MAP3K4: variants seen among roughly 807,000 people sequenced by gnomAD.
The protein encoded by MAP3K4 is mitogen-activated protein kinase kinase kinase 4.
A neutral mutation model predicts 185.6 loss-of-function variants in MAP3K4; 67 were observed. That is an observed-to-expected ratio of 0.36 (90% CI 0.30 to 0.44). MAP3K4 has a LOEUF of 0.44. Among genes scored for constraint, MAP3K4 ranks in the 20% least tolerant of loss-of-function variants. The pLI is 1.00. For synonymous variants in MAP3K4, 702 were observed against 710.4 expected, an observed-to-expected ratio of 0.99 and a Z score of 0.19; for missense variants, 1,551 against 1,995.1, an observed-to-expected ratio of 0.78 and a Z score of 4.24.
At position 161,098,596 on chromosome 6, in the gene MAP3K4, T is replaced by G. The variant is rs931785975; in HGVS notation, c.3674+169T>G. Among the ~76,000 whole-genome samples the G allele has an allele frequency of 6.6e-6, 1 of 152,258 alleles. No individual in the cohort carries two copies. Among genetic ancestry groups the G allele is most frequent in the African/African-American group, 2.4e-5 (1 of 41,468 alleles). On this transcript the variant is annotated intron_variant, in intron 17 of 26. Transcript: ENST00000392142. The surrounding 1 kb of genome is among the most constrained non-coding windows in gnomAD (Gnocchi z 4.4). ...TGTCACGGCCCAGAGGCTCTGGCAC[T>G]GACCAACACGAATGGATAACTGTCT...
At position 161,086,681 on chromosome 6, in the gene MAP3K4, A is replaced by G; in HGVS notation, c.2556+14A>G. The G allele has an allele frequency of 6.3e-7, 1 of 1,597,812 alleles. No homozygotes were observed. The highest frequency in any genetic ancestry group is 8.5e-7 in the Non-Finnish European group (1 of 1,172,176). Reference sequence around the variant, plus strand: ...CAGTATGTCAAGGTAAGTACTTCAAATGTTGTGATTGAAACATTTTGCCTT... The same window carrying G: ...CAGTATGTCAAGGTAAGTACTTCAAGTGTTGTGATTGAAACATTTTGCCTT... On this transcript the variant is annotated intron_variant, in intron 9 of 26. Coordinates refer to ENST00000392142, the MANE Select transcript of MAP3K4 (RefSeq NM_005922.4). This position sits in a 1 kb window ranked among gnomAD's most constrained non-coding sequence, Gnocchi z 4.8.
intron 1 of MAP3K4, among the ~76,000 whole-genome samples, chr6:161,032,657 G>A (rs181176328): frequency 2.6e-5 from 4 of 152,302 alleles, no homozygotes; most frequent in Admixed American, 2.0e-4. Flanking sequence ...GGTGCTTATA[G>A]CCATGTTCTT....
At chr6:161,078,989 GGATCACCT>G (rs1279999851) in intron 5 of MAP3K4, among the ~76,000 whole-genome samples, 1 of 151,878 alleles carries the variant, frequency 6.6e-6, no homozygotes, top group African/African-American at 2.4e-5. Flanking sequence ...CGAGGCTGGT[GGATCACCT>G]GATGTCAGGA....
rs180721461 is a variant in MAP3K4 at position 160,998,048 on chromosome 6, A to G, written c.152+5965A>G. Among the ~76,000 whole-genome samples, 572 of 152,278 alleles carry G rather than the reference A, an allele frequency of 3.8e-3. 7 individuals are homozygous for G. Among genetic ancestry groups the G allele is most frequent in the African/African-American group, 0.013 (534 of 41,552 alleles). The stretch of plus-strand genomic sequence containing the variant: ...TTAAAATAAATAAATAAATAAAAAT[A>G]AATAAAGAGATGGCAGTCTCTGTAT... On this transcript the variant is annotated intron_variant, in intron 1 of 26. Transcript: ENST00000392142.
At chr6:161,025,125 C>T (rs1477836776) in intron 1 of MAP3K4, among the ~76,000 whole-genome samples, 1 of 152,184 alleles carries the variant, frequency 6.6e-6, no homozygotes, top group Non-Finnish European at 1.5e-5. Flanking sequence ...CACCTTCGGC[C>T]AAATGGGAGT....
intron 6 of MAP3K4, among the ~76,000 whole-genome samples, chr6:161,083,202 C>A (rs1280404038): frequency 6.6e-6 from 1 of 152,154 alleles, no homozygotes; most frequent in Non-Finnish European, 1.5e-5. Context: ...GTTACCTTCT[C>A]GGTATATTTA....
chr6:161,024,172 T>C (rs1782532383), intron 1 of MAP3K4, among the ~76,000 whole-genome samples: 2 of 152,090 alleles, frequency 1.3e-5, no homozygotes, highest in Admixed American at 6.5e-5. Flanking sequence ...TCTCACGATA[T>C]TGCCCGGGCT....
chr6:160,993,847 A>C (rs1314447399), intron 1 of MAP3K4, among the ~76,000 whole-genome samples: 2 of 39,370 alleles, frequency 5.1e-5, no homozygotes, highest in Admixed American at 6.7e-4. Context: ...TGTACGGAAC[A>C]AGAAGATCTC....
At position 161,075,596 on chromosome 6, in the gene MAP3K4, T is replaced by G. The variant is rs1785135223; in HGVS notation, c.2097+1984T>G. ...ACAGAATATGCTTTGCTTCGTAAAC[T>G]GTGTTTGCTGGCCCTTTATCCTGTA... is the stretch of plus-strand genomic sequence containing the variant. On this transcript the variant is annotated intron_variant, in intron 5 of 26. Coordinates refer to ENST00000392142, the MANE Select transcript of MAP3K4 (RefSeq NM_005922.4). The surrounding 1 kb of genome is among the most constrained non-coding windows in gnomAD (Gnocchi z 4.3). Among the ~76,000 whole-genome samples, 1 of 152,186 alleles carries G rather than the reference T, an allele frequency of 6.6e-6. No homozygotes were observed. The highest frequency in any genetic ancestry group is 2.4e-5 in the African/African-American group (1 of 41,442).
At position 161,112,819 on chromosome 6, in the gene MAP3K4, C is replaced by T. The variant is rs747662363; in HGVS notation, c.4626+45C>T. ...CTGGCGGAGCAACTTCAGAAGGGCA[C>T]TGTGCATTAACAGAACAGTAGTTAT... On this transcript the variant is annotated intron_variant, in intron 25 of 26. Transcript: ENST00000392142. The surrounding 1 kb of genome is among the most constrained non-coding windows in gnomAD (Gnocchi z 5.1). 2 of 1,337,744 alleles carry T rather than the reference C, an allele frequency of 1.5e-6. No individual in the cohort carries two copies. Among genetic ancestry groups the T allele is most frequent in the South Asian group, 1.5e-5 (1 of 66,118 alleles). 82.9% of individuals were successfully genotyped at this position (1,337,744 alleles called of 1,614,324 possible). A position where few individuals can be genotyped will look rare whatever the true frequency, so the allele number is the denominator to read the frequency against.
At position 161,097,049 on chromosome 6, in the gene MAP3K4, A is replaced by G. The variant is rs757334409; in HGVS notation, c.3428-31A>G. Reference sequence around the variant, plus strand: ...ATGATTTTCTGTGGACCATATTAACAAGTTGCATTTGTTGCCATTTTTGCT... The same window carrying G: ...ATGATTTTCTGTGGACCATATTAACGAGTTGCATTTGTTGCCATTTTTGCT... On this transcript the variant is annotated intron_variant, in intron 15 of 26. Transcript: ENST00000392142. This position sits in a 1 kb window ranked among gnomAD's most constrained non-coding sequence, Gnocchi z 4.9. 10 of 1,567,858 alleles carry G rather than the reference A, an allele frequency of 6.4e-6. No homozygotes were observed. The South Asian group carries it at 1.1e-4, about 17-fold the overall frequency.
chr6:161,000,762 T>C (rs1406864963), intron 1 of MAP3K4, among the ~76,000 whole-genome samples: 11 of 151,138 alleles, frequency 7.3e-5, no homozygotes, highest in Admixed American at 7.2e-4. Context: ...CCCATCTGTA[T>C]ACACACATAT....
intron 1 of MAP3K4, among the ~76,000 whole-genome samples, chr6:161,006,047 A>T (rs760410372): frequency 1.3e-5 from 2 of 152,236 alleles, no homozygotes; most frequent in African/African-American, 2.4e-5. Context: ...TGGCCTCCCA[A>T]AGTGCTGGGA....
rs943340838 is a variant in MAP3K4, at chr6:161,106,424, T to C, written c.3857-90T>C. On this transcript the variant is annotated intron_variant, in intron 19 of 26. Transcript: ENST00000392142. The surrounding 1 kb of genome is among the most constrained non-coding windows in gnomAD (Gnocchi z 4.9). ...AAGCTTTGCTGTAATGGAGTGCTAATATATATTGCTCTATTTTTATTGGTT... is the reference window on the plus strand; with the variant it reads ...AAGCTTTGCTGTAATGGAGTGCTAACATATATTGCTCTATTTTTATTGGTT... 1 of 853,390 alleles carries C rather than the reference T, an allele frequency of 1.2e-6. No homozygotes were observed. The highest frequency in any genetic ancestry group is 1.7e-5 in the African/African-American group (1 of 58,394). The allele number at this position is 853,390 out of a possible 1,614,324, so 52.9% of individuals were successfully genotyped here.
chr6:161,072,290 T>TA (rs1456712305), intron 4 of MAP3K4, among the ~76,000 whole-genome samples: 1 of 152,208 alleles, frequency 6.6e-6, no homozygotes, highest in South Asian at 2.1e-4. Context: ...CAAAAAAAGA[T>TA]AAAAAATCAA....
At chr6:161,030,249 C>G (rs1782862259) in intron 1 of MAP3K4, among the ~76,000 whole-genome samples, 1 of 152,074 alleles carries the variant, frequency 6.6e-6, no homozygotes, top group African/African-American at 2.4e-5. Flanking sequence ...CTCTCTGATT[C>G]ATTTTCAATA....
intron 13 of MAP3K4, among the ~76,000 whole-genome samples, chr6:161,092,690 A>G (rs1473277990): frequency 1.3e-5 from 2 of 152,022 alleles, no homozygotes; most frequent in African/African-American, 4.8e-5. Flanking sequence ...TACAAAACTC[A>G]TAAATACTTG....
In MAP3K4 at chr6:161,107,479, G is replaced by C. The variant is rs1778135336; in HGVS notation, c.4049-420G>C. Among the ~76,000 whole-genome samples the C allele has an allele frequency of 6.6e-6, 1 of 152,154 alleles. No individual in the cohort carries two copies. Among genetic ancestry groups the C allele is most frequent in the Non-Finnish European group, 1.5e-5 (1 of 68,030 alleles). ...CAGAAGGTATGTTAGGGGAATGTTT[G>C]CTCCCACACACTCCTGGACATGTGC... is the stretch of plus-strand genomic sequence containing the variant. On this transcript the variant is annotated intron_variant, in intron 20 of 26. Coordinates refer to ENST00000392142, the MANE Select transcript of MAP3K4 (RefSeq NM_005922.4). This position sits in a 1 kb window ranked among gnomAD's most constrained non-coding sequence, Gnocchi z 6.2.
At position 161,019,489 on chromosome 6, in the gene MAP3K4, C is replaced by T. The variant is rs1782273976; in HGVS notation, c.153-14770C>T. 2.0e-5 allele frequency among the ~76,000 whole-genome samples: 3 copies of T among 152,202 alleles called. No homozygotes were observed. In the South Asian group the frequency reaches 6.2e-4, roughly 31 times the overall value. ...GTGGCGCGAGCTCAGCTCACTGCAA[C>T]CTCCGCCTCCCAGTTCAAGCAATTC... On this transcript the variant is annotated intron_variant, in intron 1 of 26. Coordinates refer to ENST00000392142, the MANE Select transcript of MAP3K4 (RefSeq NM_005922.4).
Sources: gnomAD v4.1 joint callset for allele counts (sites outside exome capture counted in the v4.1 genomes callset) on GRCh38, gnomAD v4.1.1 for gene constraint, Gnocchi (gnomAD v3.1) non-coding constraint, MANE v1.5 for transcripts, NCBI Gene and HGNC (gene_info 2026-07-23, HGNC 2026-07-21) for gene names.